Variants in CAPZB observed in about 807,000 individuals in gnomAD.
CAPZB encodes the protein capping actin protein of muscle Z-line subunit beta.
CAPZB carries 2 observed loss-of-function variants against 38.1 expected under a neutral mutation model. The observed-to-expected ratio is 0.05, with a 90% confidence interval of 0.02 to 0.17. The LOEUF (loss-of-function observed/expected upper bound fraction) is 0.17. Among genes scored for constraint, CAPZB ranks in the 10% least tolerant of loss-of-function variants. The pLI, the probability that CAPZB is intolerant of heterozygous loss-of-function variation, is 1.00. For missense variants in CAPZB, 161 were observed against 334.2 expected (o/e 0.48, Z 4.04); for synonymous variants, 107 against 127.4 (o/e 0.84, Z 1.08).
chr1:19,483,546 G>A (rs1385870275), intron 1 of CAPZB, among the ~76,000 whole-genome samples: 1 of 152,230 alleles, frequency 6.6e-6, no homozygotes, highest in Non-Finnish European at 1.5e-5. Context: ...GATGAGAGCT[G>A]AGTACAAGAC....
At chr1:19,367,769 GC>G (rs1444479691) in intron 4 of CAPZB, among the ~76,000 whole-genome samples, 3 of 152,202 alleles carry the variant, frequency 2.0e-5, no homozygotes, top group Non-Finnish European at 4.4e-5. Flanking sequence ...GACTGTGGCT[GC>G]CGCGCTTTAG....
intron 2 of CAPZB, among the ~76,000 whole-genome samples, chr1:19,418,136 CAAAAAAAAAAAAA>C (rs59390448): frequency 8.5e-5 from 3 of 35,298 alleles, no homozygotes; most frequent in Admixed American, 8.9e-4. Flanking sequence ...ACTCTGTCAC[CAAAAAAAAAAAAA>C]AAAAAAAAAA....
At chr1:19,419,275 C>T (rs2094392239) in intron 2 of CAPZB, among the ~76,000 whole-genome samples, 1 of 152,184 alleles carries the variant, frequency 6.6e-6, no homozygotes, top group Admixed American at 6.5e-5. Flanking sequence ...ACTGTGTTGG[C>T]TGGAGAAACT....
chr1:19,419,156 ATATT>A (rs2094391813), intron 2 of CAPZB, among the ~76,000 whole-genome samples: 1 of 152,360 alleles, frequency 6.6e-6, no homozygotes, highest in East Asian at 1.9e-4. Context: ...AATGAATAGA[ATATT>A]TAAAAACTAG....
At chr1:19,447,845 A>G (rs1397909038) in intron 1 of CAPZB, among the ~76,000 whole-genome samples, 1 of 152,208 alleles carries the variant, frequency 6.6e-6, no homozygotes, top group Non-Finnish European at 1.5e-5. Flanking sequence ...CACTGGTACT[A>G]TCTAAGCAAT....
intron 8 of CAPZB, among the ~76,000 whole-genome samples, chr1:19,339,844 A>T (rs2093918394): frequency 6.6e-6 from 1 of 152,236 alleles, no homozygotes; most frequent in Non-Finnish European, 1.5e-5. Flanking sequence ...TGGGGGTGGC[A>T]TATGGCTTAC....
At chr1:19,459,178 A>C (rs930101548) in intron 1 of CAPZB, among the ~76,000 whole-genome samples, 1 of 152,236 alleles carries the variant, frequency 6.6e-6, no homozygotes, top group Non-Finnish European at 1.5e-5. Flanking sequence ...CCTGAGGACA[A>C]GGCTAATTTT....
Position 19,348,996 on chromosome 1 carries a change from T to C in CAPZB, c.589-3744A>G, listed in dbSNP as rs191013425. Reference sequence around the variant, plus strand: ...ACCCTCAGACCCCAGGGGGTCTCCATAAAACAGGAGTAGTGAGAGTGCCCA... The same window carrying C: ...ACCCTCAGACCCCAGGGGGTCTCCACAAAACAGGAGTAGTGAGAGTGCCCA... On this transcript the variant is annotated intron_variant, in intron 6 of 8. Coordinates refer to ENST00000264202, the MANE Select transcript of CAPZB (RefSeq NM_004930.5). Among the ~76,000 whole-genome samples the C allele has an allele frequency of 1.3e-3, 204 of 152,174 alleles. 1 individual carries two copies. Among genetic ancestry groups the C allele is most frequent in the African/African-American group, 4.7e-3 (194 of 41,506 alleles).
chr1:19,485,516 C>A lies in CAPZB; in HGVS notation c.-78G>T. 1 of 1,174,812 alleles carries A rather than the reference C, an allele frequency of 8.5e-7. No individual in the cohort carries two copies. The highest frequency in any genetic ancestry group is 1.1e-6 in the Non-Finnish European group (1 of 937,440). The allele number at this position is 1,174,812 out of a possible 1,614,324, so 72.8% of individuals were successfully genotyped here. On this transcript the variant is annotated 5_prime_UTR_variant, in exon 1 of 9. Transcript: ENST00000264202. ...GCAGCAGGGCCCGGCGCTTCCACTT[C>A]CCCGGGTGCCCAGGAGTGAACATCC...
In CAPZB at chr1:19,339,206, A is replaced by C; in HGVS notation, c.*324T>G. 8.9e-6 allele frequency: 3 copies of C among 335,292 alleles called. No homozygotes were observed. Among genetic ancestry groups the C allele is most frequent in the Middle Eastern group, 8.6e-4 (1 of 1,160 alleles). The allele number at this position is 335,292 out of a possible 1,614,324, so 20.8% of individuals were successfully genotyped here. A position where few individuals can be genotyped will look rare whatever the true frequency, so the allele number is the denominator to read the frequency against. On this transcript the variant is annotated 3_prime_UTR_variant, in exon 9 of 9. Transcript: ENST00000264202. Reference sequence around the variant, plus strand: ...CAATGTACCAAAAAGGTGGGAGGGAAGGGAGGCTGGCAGACAGTGGATTTT... The same window carrying C: ...CAATGTACCAAAAAGGTGGGAGGGACGGGAGGCTGGCAGACAGTGGATTTT...
At chr1:19,389,629 C>T (rs1411941225) in intron 2 of CAPZB, among the ~76,000 whole-genome samples, 3 of 152,224 alleles carry the variant, frequency 2.0e-5, no homozygotes, top group South Asian at 2.1e-4. Context: ...GGTTTCACCA[C>T]GTTAGCCAGG....
In CAPZB at chr1:19,356,255, G is replaced by A. The variant is rs1024039751; in HGVS notation, c.588+380C>T. ...CAAGGTGCAGACACTCTGAGCTCAG[G>A]TAAGCTGCTCCCAGAGAGCTGGCCT... On this transcript the variant is annotated intron_variant, in intron 6 of 8. Transcript: ENST00000264202. This position sits in a 1 kb window ranked among gnomAD's most constrained non-coding sequence, Gnocchi z 4.3. Among the ~76,000 whole-genome samples, 2 of 152,220 alleles carry A rather than the reference G, an allele frequency of 1.3e-5. No homozygotes were observed. The highest frequency in any genetic ancestry group is 2.9e-5 in the Non-Finnish European group (2 of 68,036).
At chr1:19,425,575 T>C (rs117143674) in intron 1 of CAPZB, among the ~76,000 whole-genome samples, 1,765 of 152,274 alleles carry the variant, frequency 0.012, 27 homozygotes, top group African/African-American at 0.032. Flanking sequence ...CTTATTTTGG[T>C]ATATAAACTG....
intron 1 of CAPZB, among the ~76,000 whole-genome samples, chr1:19,475,534 C>T (rs555313085): frequency 1.5e-4 from 23 of 152,358 alleles, no homozygotes; most frequent in African/African-American, 4.6e-4. Context: ...GCAGCAGAAC[C>T]GCTCAAGAGA....
chr1:19,357,029 T>C lies in CAPZB; in HGVS notation c.472-278A>G, dbSNP rs572901745. Among the ~76,000 whole-genome samples, 5 of 152,106 alleles carry C rather than the reference T, an allele frequency of 3.3e-5. No homozygotes were observed. The East Asian group carries it at 9.7e-4, about 29-fold the overall frequency. The stretch of plus-strand genomic sequence containing the variant: ...GGCGCCCGCCACCACGCCTGGCTAA[T>C]GTTTTTTGTGTTTTTGGTAGAGATG... On this transcript the variant is annotated intron_variant, in intron 5 of 8. Coordinates refer to ENST00000264202, the MANE Select transcript of CAPZB (RefSeq NM_004930.5). The surrounding 1 kb of genome is among the most constrained non-coding windows in gnomAD (Gnocchi z 4.3).
At chr1:19,351,527 G>C (rs946486379) in intron 6 of CAPZB, among the ~76,000 whole-genome samples, 12 of 152,096 alleles carry the variant, frequency 7.9e-5, no homozygotes, top group African/African-American at 2.9e-4. Context: ...TGTTGCCCAG[G>C]TTGGTCTTGA....
chr1:19,391,317 G>A (rs1028861650), intron 2 of CAPZB, among the ~76,000 whole-genome samples: 4 of 152,090 alleles, frequency 2.6e-5, no homozygotes, highest in Admixed American at 6.6e-5. Flanking sequence ...AACCCACGGC[G>A]CCCTTGTCTT....
intron 2 of CAPZB, among the ~76,000 whole-genome samples, chr1:19,399,244 G>A (rs796310373): frequency 8.5e-5 from 13 of 152,318 alleles, no homozygotes; most frequent in African/African-American, 3.1e-4. Flanking sequence ...TATATCTCCA[G>A]AAAGCTGTTG....
intron 1 of CAPZB, 52 bp from the exon 2 acceptor site, chr1:19,419,802 C>CA: frequency 9.5e-7 from 1 of 1,050,382 alleles, no homozygotes; most frequent in South Asian, 1.4e-5. Flanking sequence ...GAAGGAATAT[C>CA]AAAAACTCCT....
Sources: allele counts gnomAD v4.1 joint callset (sites outside exome capture counted in the v4.1 genomes callset), GRCh38; gene constraint gnomAD v4.1.1; non-coding constraint Gnocchi (gnomAD v3.1); transcripts MANE v1.5; gene names NCBI Gene and HGNC (gene_info 2026-07-23, HGNC 2026-07-21).